MAP3K5: variants seen among roughly 807,000 people sequenced by gnomAD.
The protein encoded by MAP3K5 is mitogen-activated protein kinase kinase kinase 5.
In MAP3K5, 56 loss-of-function variants were observed where a neutral mutation model predicts 158.7. The observed-to-expected ratio is 0.35, with a 90% CI of 0.28 to 0.44. The LOEUF (loss-of-function observed/expected upper bound fraction) is 0.44, where lower values mean the gene tolerates loss of function less well. MAP3K5 is among the 20% of genes least tolerant of loss of function. The probability of loss-of-function intolerance (pLI) is 1.00; values close to 1 mark genes in which losing one functional copy is unlikely to be tolerated. For synonymous variants in MAP3K5, 579 were observed against 601.7 expected, an observed-to-expected ratio of 0.96 and a Z score of 0.55; for missense variants, 1,294 against 1,674.8, an observed-to-expected ratio of 0.77 and a Z score of 3.97.
At chr6:136,786,090 A>G (rs1255383184) in intron 1 of MAP3K5, among the ~76,000 whole-genome samples, 4 of 152,150 alleles carry the variant, frequency 2.6e-5, no homozygotes, top group Admixed American at 2.6e-4. Flanking sequence ...AAAAAAATTT[A>G]GGGCTGGGCG....
intron 7 of MAP3K5, among the ~76,000 whole-genome samples, chr6:136,678,850 C>T (rs1562605117): frequency 1.3e-5 from 2 of 152,052 alleles, no homozygotes; most frequent in Non-Finnish European, 2.9e-5. Flanking sequence ...CTCAGCCTCC[C>T]GAGTAGCTGG....
intron 8 of MAP3K5, among the ~76,000 whole-genome samples, chr6:136,663,935 C>T (rs1336583255): frequency 6.6e-6 from 1 of 151,932 alleles, no homozygotes; most frequent in Non-Finnish European, 1.5e-5. Context: ...TCTAATCAAT[C>T]CCTCTACACA....
chr6:136,760,773 C>G (rs1783714920), intron 1 of MAP3K5, among the ~76,000 whole-genome samples: 1 of 152,106 alleles, frequency 6.6e-6, no homozygotes, highest in African/African-American at 2.4e-5. Context: ...AGTTCCAGAC[C>G]AGGCTGGTCA....
intron 1 of MAP3K5, among the ~76,000 whole-genome samples, chr6:136,730,170 T>G (rs1320665242): frequency 2.9e-5 from 4 of 137,046 alleles, no homozygotes; most frequent in East Asian, 2.0e-4. Context: ...TTTTTTTGTT[T>G]TTTGTTTTTG....
intron 15 of MAP3K5, among the ~76,000 whole-genome samples, chr6:136,616,755 G>T (rs1776584509): frequency 2.6e-5 from 4 of 151,474 alleles, no homozygotes; most frequent in South Asian, 2.1e-4. Context: ...TTGAGACAGG[G>T]TCTCTCTCTG....
At chr6:136,712,387 T>G (rs1362992479) in intron 2 of MAP3K5, among the ~76,000 whole-genome samples, 1 of 152,060 alleles carries the variant, frequency 6.6e-6, no homozygotes, top group Non-Finnish European at 1.5e-5. Flanking sequence ...CTGACCAGGC[T>G]GGTCTTGAAC....
chr6:136,735,597 G>A (rs1363595530), intron 1 of MAP3K5, among the ~76,000 whole-genome samples: 2 of 152,178 alleles, frequency 1.3e-5, no homozygotes, highest in Non-Finnish European at 2.9e-5. Context: ...TTGCGAGGCT[G>A]AGGCAGAGGA....
At chr6:136,577,428 T>C (rs1418184605) in intron 25 of MAP3K5, among the ~76,000 whole-genome samples, 1 of 152,220 alleles carries the variant, frequency 6.6e-6, no homozygotes, top group Non-Finnish European at 1.5e-5. Context: ...TTTTCAAAAA[T>C]AAATGTTTTC....
intron 23 of MAP3K5, among the ~76,000 whole-genome samples, chr6:136,591,458 A>G (rs1031858980): frequency 6.6e-6 from 1 of 152,210 alleles, no homozygotes; most frequent in African/African-American, 2.4e-5. Flanking sequence ...GTTTTTATTC[A>G]TCTTTCTTAA....
intron 21 of MAP3K5, chr6:136,593,690 T>C (rs1003259005): frequency 2.4e-6 from 1 of 409,392 alleles, no homozygotes; most frequent in African/African-American, 2.2e-5. Flanking sequence ...ATACTGTCCA[T>C]GATCTATCCT....
intron 1 of MAP3K5, among the ~76,000 whole-genome samples, chr6:136,751,051 T>G (rs1783185024): frequency 6.6e-6 from 1 of 152,112 alleles, no homozygotes; most frequent in African/African-American, 2.4e-5. Flanking sequence ...TTTCCCCACT[T>G]TTTCACCACT....
At chr6:136,700,362 G>A (rs1360968178) in intron 3 of MAP3K5, among the ~76,000 whole-genome samples, 1 of 152,058 alleles carries the variant, frequency 6.6e-6, no homozygotes, top group East Asian at 1.9e-4. Context: ...TGAAGAAGAA[G>A]GAATCAGCTG....
chr6:136,618,297 C>T (rs981052095), intron 15 of MAP3K5, among the ~76,000 whole-genome samples: 1 of 152,212 alleles, frequency 6.6e-6, no homozygotes, highest in African/African-American at 2.4e-5. Context: ...ACTTTGTTTG[C>T]TGTATCTTCA....
chr6:136,611,701 G>T (rs1028377550), intron 17 of MAP3K5, among the ~76,000 whole-genome samples: 1 of 152,190 alleles, frequency 6.6e-6, no homozygotes. Flanking sequence ...ATTCCAGGGT[G>T]TAGACCAAGC....
intron 21 of MAP3K5, among the ~76,000 whole-genome samples, chr6:136,597,900 C>T (rs1436942487): frequency 6.6e-6 from 1 of 152,182 alleles, no homozygotes; most frequent in African/African-American, 2.4e-5. Flanking sequence ...AAATTCAGTG[C>T]CTCAGCCATG....
intron 19 of MAP3K5, 71 bp from the exon 20 acceptor site, chr6:136,602,050 A>G (rs902896704): frequency 6.4e-5 from 80 of 1,250,100 alleles, no homozygotes; most frequent in Admixed American, 1.6e-4. Flanking sequence ...TCCAGCTTCC[A>G]TAACTTGACC....
chr6:136,611,213 C>T, intron 18 of MAP3K5, 69 bp downstream of exon 18: 1 of 816,290 alleles, frequency 1.2e-6, no homozygotes, highest in African/African-American at 1.7e-5. Flanking sequence ...TTCTCTCTCA[C>T]ATTGTGCTCA....
intron 8 of MAP3K5, among the ~76,000 whole-genome samples, chr6:136,665,282 T>G (rs2114499434): frequency 6.6e-6 from 1 of 152,316 alleles, no homozygotes; most frequent in South Asian, 2.1e-4. Flanking sequence ...AATAGTGTAC[T>G]TTTGAAGAAT....
At chr6:136,558,061 G>A (rs979348795) in intron 29 of MAP3K5, among the ~76,000 whole-genome samples, 3 of 152,122 alleles carry the variant, frequency 2.0e-5, no homozygotes. Flanking sequence ...TTTGAAATTT[G>A]TCTTTATAAT....
Sources: gnomAD v4.1 joint callset for allele counts (sites outside exome capture counted in the v4.1 genomes callset) on GRCh38, gnomAD v4.1.1 for gene constraint, MANE v1.5 for transcripts, NCBI Gene and HGNC (gene_info 2026-07-23, HGNC 2026-07-21) for gene names.